The following CEMIP variants were observed in gnomAD, a reference collection of about 807,000 sequenced individuals.
The protein encoded by CEMIP is cell migration-inducing and hyaluronan-binding protein.
Under a neutral mutation model 156.9 loss-of-function variants are expected in CEMIP, and 105 were observed. That is an observed-to-expected ratio of 0.67 (90% CI 0.57 to 0.79). The LOEUF is 0.79. CEMIP is among the 30% of genes least tolerant of loss of function. The probability of loss-of-function intolerance (pLI) is 0.00; values close to 1 mark genes in which losing one functional copy is unlikely to be tolerated. For synonymous variants in CEMIP, 676 were observed against 668.4 expected (o/e 1.01, Z -0.17); for missense variants, 1,457 against 1,769.4 (o/e 0.82, Z 3.17).
intron 21 of CEMIP, 78 bp from the exon 22 acceptor site, chr15:80,931,781 T>A: frequency 6.9e-7 from 1 of 1,452,156 alleles, no homozygotes. Context: ...ACATGGCGTT[T>A]AGACTGACGT....
intron 18 of CEMIP, 109 bp downstream of exon 18, chr15:80,924,815 T>A: frequency 1.0e-6 from 1 of 1,000,374 alleles, no homozygotes; most frequent in South Asian, 1.4e-5. Context: ...GAGCCCTTGC[T>A]TTGTGCTGGG....
chr15:80,941,890 A>C lies in CEMIP; in HGVS notation c.3449A>C (p.Lys1150Thr). Residue 1150 changes from lysine to threonine, a missense_variant, in exon 26 of 30, where the codon AAG (lysine) becomes ACG (threonine). By Grantham distance (78) the Lys-to-Thr change is moderately conservative. This residue lies in a region of CEMIP where 798 missense variants were observed against 980.1 expected (regional missense o/e 0.81). Coordinates refer to ENST00000394685, the MANE Select transcript of CEMIP (RefSeq NM_001293298.2). ...CTGAAAGCTCAGAACGAGAGAGAGA[A>C]GTTTGCTTTCTGCTCCATGAAAGGC... ...LKLKAQNEREKFAFCSMKGCE... is the reference protein window; with the variant it reads ...LKLKAQNERETFAFCSMKGCE... 6.2e-7 allele frequency: 1 copy of C among 1,613,832 alleles called. No individual in the cohort carries two copies. The highest frequency in any genetic ancestry group is 8.5e-7 in the Non-Finnish European group (1 of 1,179,958).
intron 3 of CEMIP, among the ~76,000 whole-genome samples, chr15:80,875,236 T>A (rs1596149726): frequency 6.6e-6 from 1 of 152,100 alleles, no homozygotes; most frequent in East Asian, 1.9e-4. Flanking sequence ...TGTCCCACTA[T>A]GTTGTCCAGG....
intron 1 of CEMIP, among the ~76,000 whole-genome samples, chr15:80,831,572 C>T (rs533467499): frequency 1.1e-4 from 16 of 152,216 alleles, no homozygotes; most frequent in Admixed American, 7.8e-4. Context: ...AAGCAGCAAG[C>T]CAATGGGTAG....
chr15:80,924,531 A>T, intron 17 of CEMIP, 90 bp from the exon 18 acceptor site: 1 of 1,123,490 alleles, frequency 8.9e-7, no homozygotes, highest in Non-Finnish European at 1.3e-6. Context: ...TTCCCGGAGC[A>T]TTCAGAAGTA....
chr15:80,915,460 A>G (rs940473494), intron 14 of CEMIP, among the ~76,000 whole-genome samples: 1 of 152,210 alleles, frequency 6.6e-6, no homozygotes, highest in African/African-American at 2.4e-5. Context: ...GGCATTTTCA[A>G]TCTCTCCTTT....
chr15:80,856,290 A>G (rs1295075666), intron 1 of CEMIP, among the ~76,000 whole-genome samples: 1 of 152,244 alleles, frequency 6.6e-6, no homozygotes, highest in Non-Finnish European at 1.5e-5. Flanking sequence ...AAGATGAAAA[A>G]AAGAATATGG....
intron 12 of CEMIP, among the ~76,000 whole-genome samples, chr15:80,904,749 C>A (rs752817226): frequency 1.1e-4 from 16 of 152,180 alleles, no homozygotes; most frequent in Non-Finnish European, 1.9e-4. Flanking sequence ...TCCTCTGGAG[C>A]CTCCATGAGG....
chr15:80,830,735 T>C (rs1421601982), intron 1 of CEMIP, among the ~76,000 whole-genome samples: 2 of 152,184 alleles, frequency 1.3e-5, no homozygotes, highest in African/African-American at 4.8e-5. Flanking sequence ...GTTTTTAGCT[T>C]ATCTAATCAT....
At chr15:80,792,058 C>T (rs922792175) in intron 1 of CEMIP, among the ~76,000 whole-genome samples, 1 of 152,198 alleles carries the variant, frequency 6.6e-6, no homozygotes, top group Non-Finnish European at 1.5e-5. Flanking sequence ...AAAATAAACC[C>T]ACCCACAAAT....
chr15:80,949,215 T>C lies in CEMIP; in HGVS notation c.*291T>C, dbSNP rs1901711639. 2 of 454,820 alleles carry C rather than the reference T, an allele frequency of 4.4e-6. No homozygotes were observed. The highest frequency in any genetic ancestry group is 6.7e-4 in the Middle Eastern group (1 of 1,502). The allele number at this position is 454,820 out of a possible 1,614,324, so 28.2% of individuals were successfully genotyped here. A position where few individuals can be genotyped will look rare whatever the true frequency, so the allele number is the denominator to read the frequency against. On this transcript the variant is annotated 3_prime_UTR_variant, in exon 30 of 30. Transcript: ENST00000394685. ...CTATCTGTGCCTCTTCAGTGGGGGTTTGGGGACCATATCAGGAGACCTGGG... is the reference window on the plus strand; with the variant it reads ...CTATCTGTGCCTCTTCAGTGGGGGTCTGGGGACCATATCAGGAGACCTGGG...
At chr15:80,915,974 A>G (rs962540738) in intron 14 of CEMIP, among the ~76,000 whole-genome samples, 2 of 152,176 alleles carry the variant, frequency 1.3e-5, no homozygotes, top group African/African-American at 4.8e-5. Context: ...ACATGGCTGT[A>G]TTTGTTGTCG....
chr15:80,814,369 C>T (rs1295742429), intron 1 of CEMIP, among the ~76,000 whole-genome samples: 1 of 152,112 alleles, frequency 6.6e-6, no homozygotes, highest in African/African-American at 2.4e-5. Flanking sequence ...GGCTTGACAC[C>T]AGAGCAACCC....
At chr15:80,881,205 C>T (rs1222139746) in intron 6 of CEMIP, 69 bp downstream of exon 6, 4 of 1,343,684 alleles carry the variant, frequency 3.0e-6, no homozygotes, top group African/African-American at 1.4e-5. Flanking sequence ...TGCTCCCTGG[C>T]CAGGTGCCGC....
intron 1 of CEMIP, among the ~76,000 whole-genome samples, chr15:80,797,356 A>T (rs531686363): frequency 6.6e-6 from 1 of 152,342 alleles, no homozygotes; most frequent in South Asian, 2.1e-4. Context: ...TTTGCCAGGC[A>T]TGAGCAGTGC....
At chr15:80,884,472 G>A in intron 7 of CEMIP, 118 bp downstream of exon 7, 1 of 1,014,626 alleles carries the variant, frequency 9.9e-7, no homozygotes, top group Non-Finnish European at 1.5e-6. Context: ...AAATGACCTA[G>A]TGGATGCAGG....
At chr15:80,851,630 G>A (rs1238836397) in intron 1 of CEMIP, among the ~76,000 whole-genome samples, 1 of 152,174 alleles carries the variant, frequency 6.6e-6, no homozygotes, top group East Asian at 1.9e-4. Flanking sequence ...CATTGGTGCT[G>A]GAGAAGAGCC....
In CEMIP at chr15:80,929,011, C is replaced by T; in HGVS notation, c.2457-8C>T. 6.2e-7 allele frequency: 1 copy of T among 1,614,238 alleles called. No homozygotes were observed. The highest frequency in any genetic ancestry group is 8.5e-7 in the Non-Finnish European group (1 of 1,180,048). ...GGGCATCTCACCTTAAACATCTTCT[C>T]TCTACAGTGGTGGAACCTTCCCGTA... On this transcript the variant is annotated splice_region_variant and splice_polypyrimidine_tract_variant and intron_variant, in intron 20 of 29. Transcript: ENST00000394685.
chr15:80,790,630 C>A (rs1412159839), intron 1 of CEMIP, among the ~76,000 whole-genome samples: 2 of 152,136 alleles, frequency 1.3e-5, no homozygotes, highest in Non-Finnish European at 2.9e-5. Flanking sequence ...CCTATGTCAC[C>A]GTGAGTCCAA....
Sources: allele counts gnomAD v4.1 joint callset (sites outside exome capture counted in the v4.1 genomes callset), GRCh38; gene constraint gnomAD v4.1.1; regional missense constraint gnomAD v4.1.1; transcripts MANE v1.5; gene names NCBI Gene and HGNC (gene_info 2026-07-23, HGNC 2026-07-21).